ZNF138: variants seen among roughly 807,000 people sequenced by gnomAD.
ZNF138 encodes the protein zinc finger protein 138 (clone pHZ-32).
ZNF138 carries 33 observed loss-of-function variants against 33.0 expected under a neutral mutation model. The observed-to-expected ratio is 1.00, with a 90% CI of 0.76 to 1.34. The LOEUF (loss-of-function observed/expected upper bound fraction) is 1.34, where lower values mean the gene tolerates loss of function less well. Ranked by LOEUF, ZNF138 falls within the 40% of genes most tolerant of loss-of-function variation. The pLI is 0.00. For synonymous variants in ZNF138, 139 were observed against 120.4 expected (o/e 1.15, Z -1.01); for missense variants, 360 against 370.8 (o/e 0.97, Z 0.24).
chr7:64,813,786 G>A (rs1487446996), intron 1 of ZNF138, among the ~76,000 whole-genome samples: 1 of 152,110 alleles, frequency 6.6e-6, no homozygotes, highest in Non-Finnish European at 1.5e-5. Context: ...TTTGGGGGCA[G>A]TATTGCAGCA....
At chr7:64,804,425 G>A (rs573259961) in intron 1 of ZNF138, among the ~76,000 whole-genome samples, 26 of 152,200 alleles carry the variant, frequency 1.7e-4, no homozygotes, top group South Asian at 1.0e-3. Context: ...TTGCTTACTC[G>A]GGGAGCTCAG....
At chr7:64,853,707 C>T in the ZNF138 span, among the ~76,000 whole-genome samples, 1 of 151,476 alleles carries the variant, frequency 6.6e-6, no homozygotes, top group Admixed American at 6.6e-5. Flanking sequence ...TGTACTTCAG[C>T]ATATACATAT....
At chr7:64,851,690 C>T in the ZNF138 span, among the ~76,000 whole-genome samples, 2 of 151,984 alleles carry the variant, frequency 1.3e-5, no homozygotes, top group Non-Finnish European at 2.9e-5. Flanking sequence ...AATTACATTG[C>T]AAAAAGTATC....
At chr7:64,813,914 C>A (rs1583833375) in intron 1 of ZNF138, 2 of 613,962 alleles carry the variant, frequency 3.3e-6, no homozygotes, top group Non-Finnish European at 2.1e-6. Context: ...TATAGAGTTA[C>A]TTATTTTTCT....
chr7:64,815,813 T>C (rs1788579362), intron 3 of ZNF138, among the ~76,000 whole-genome samples, 160 bp downstream of exon 3: 1 of 152,234 alleles, frequency 6.6e-6, no homozygotes, highest in Non-Finnish European at 1.5e-5. Flanking sequence ...TCTTCTGTCT[T>C]ATGTTTTTAA....
chr7:64,839,460 T>G, the ZNF138 span, among the ~76,000 whole-genome samples: 4 of 152,074 alleles, frequency 2.6e-5, no homozygotes, highest in African/African-American at 9.7e-5. Flanking sequence ...CAGACGTCTC[T>G]GAGTCGTCAA....
chr7:64,850,161 A>G, the ZNF138 span, among the ~76,000 whole-genome samples: 3 of 152,198 alleles, frequency 2.0e-5, no homozygotes, highest in African/African-American at 7.2e-5. Context: ...TCAGCTCTCT[A>G]AATTGACTCA....
chr7:64,838,492 C>T (rs535148854), downstream of ZNF138, among the ~76,000 whole-genome samples: 11 of 152,234 alleles, frequency 7.2e-5, no homozygotes, highest in South Asian at 2.1e-3. Flanking sequence ...CCTGCTGGGG[C>T]TCTTAGGGAA....
the ZNF138 span, among the ~76,000 whole-genome samples, chr7:64,842,154 C>T: frequency 6.6e-6 from 1 of 152,352 alleles, no homozygotes; most frequent in East Asian, 1.9e-4. Context: ...ACCTCCGCCT[C>T]TTGGGTGCAA....
downstream of ZNF138, among the ~76,000 whole-genome samples, chr7:64,837,334 C>T (rs767270687): frequency 6.6e-6 from 1 of 152,022 alleles, no homozygotes; most frequent in Non-Finnish European, 1.5e-5. Context: ...TTTACTAGTA[C>T]CTGATCTTCT....
Position 64,832,270 on chromosome 7 carries a change from C to G in ZNF138, c.*68C>G. 2 of 1,599,204 alleles carry G rather than the reference C, an allele frequency of 1.3e-6. No homozygotes were observed. Among genetic ancestry groups the G allele is most frequent in the Non-Finnish European group, 1.7e-6 (2 of 1,175,246 alleles). On this transcript the variant is annotated 3_prime_UTR_variant, in exon 4 of 4. Coordinates refer to ENST00000307355, the MANE Select transcript of ZNF138 (RefSeq NM_001271639.2). ...TACAAATGTGAAGAATGTGGCAAAG[C>G]CTTTAACCAGTTTTCAACCCTTATT...
the ZNF138 span, among the ~76,000 whole-genome samples, chr7:64,839,734 G>A: frequency 4.5e-4 from 68 of 152,288 alleles, no homozygotes; most frequent in African/African-American, 1.6e-3. Context: ...TGAGGGAGAG[G>A]CCTGATCCGA....
At chr7:64,842,309 TCCTCTG>T in the ZNF138 span, among the ~76,000 whole-genome samples, 1 of 125,050 alleles carries the variant, frequency 8.0e-6, no homozygotes, top group African/African-American at 2.7e-5. Flanking sequence ...TGATCTGCCC[TCCTCTG>T]CCTCCCAAAG....
intron 3 of ZNF138, among the ~76,000 whole-genome samples, chr7:64,816,868 A>G (rs4718118): frequency 0.99 from 150,207 of 152,346 alleles, 74,084 homozygotes; most frequent in East Asian, 1. Flanking sequence ...TGGGTTTGTA[A>G]TGGAGAGGGG....
At chr7:64,835,231 CCAAT>C (rs1790331522), downstream of ZNF138, 1 of 152,192 alleles carries the variant, frequency 6.6e-6, no homozygotes, top group Non-Finnish European at 1.5e-5. Flanking sequence ...TCACTGGAGT[CCAAT>C]CAGTCCAGCC....
the ZNF138 span, among the ~76,000 whole-genome samples, chr7:64,845,642 A>G: frequency 2.0e-5 from 3 of 152,216 alleles, no homozygotes; most frequent in Admixed American, 2.0e-4. Context: ...GTAGTATCAC[A>G]TTGTAGTTGG....
At chr7:64,852,353 A>G in the ZNF138 span, 8 of 1,217,848 alleles carry the variant, frequency 6.6e-6, no homozygotes, top group African/African-American at 3.1e-5. Flanking sequence ...AAGGAAATAG[A>G]TCTATTTAAA....
At chr7:64,840,105 C>T in the ZNF138 span, among the ~76,000 whole-genome samples, 3 of 151,958 alleles carry the variant, frequency 2.0e-5, no homozygotes, top group Non-Finnish European at 2.9e-5. Flanking sequence ...AATGCTGAGT[C>T]GGGGTATCTG....
chr7:64,816,079 A>G (rs1278873360), intron 3 of ZNF138, among the ~76,000 whole-genome samples: 1 of 151,480 alleles, frequency 6.6e-6, no homozygotes, highest in South Asian at 2.1e-4. Flanking sequence ...TTTTCTGCAT[A>G]TTCCATTCTG....
Sources: allele counts gnomAD v4.1 joint callset (sites outside exome capture counted in the v4.1 genomes callset), GRCh38; gene constraint gnomAD v4.1.1; transcripts MANE v1.5; gene names NCBI Gene and HGNC (gene_info 2026-07-23, HGNC 2026-07-21).